The following SPAG16 variants were observed in gnomAD, a reference collection of about 807,000 sequenced individuals.
The protein encoded by SPAG16 is sperm-associated antigen 16 protein.
A neutral mutation model predicts 80.4 loss-of-function variants in SPAG16; 86 were observed. That is an observed-to-expected ratio of 1.07 (90% CI 0.90 to 1.28). SPAG16 has a LOEUF of 1.28. Among genes scored for constraint, SPAG16 ranks in the 50% most tolerant of loss-of-function variants. The pLI is 0.00. For synonymous variants in SPAG16, 294 were observed against 265.9 expected, an observed-to-expected ratio of 1.11 and a Z score of -1.03; for missense variants, 870 against 765.3, an observed-to-expected ratio of 1.14 and a Z score of -1.61.
intron 15 of SPAG16, among the ~76,000 whole-genome samples, chr2:214,360,542 T>C (rs147007086): frequency 3.5e-3 from 534 of 151,994 alleles, no homozygotes; most frequent in African/African-American, 0.012. Flanking sequence ...TTTTCTGAGA[T>C]AGATGCAAAT....
chr2:214,339,119 G>T (rs1031070326), intron 15 of SPAG16, among the ~76,000 whole-genome samples: 1 of 152,188 alleles, frequency 6.6e-6, no homozygotes, highest in Non-Finnish European at 1.5e-5. Flanking sequence ...TATGCTCAAA[G>T]AGAGTTAGAT....
At chr2:214,319,224 A>ACACACACACACACAC (rs1553554490) in intron 15 of SPAG16, among the ~76,000 whole-genome samples, 9 of 151,004 alleles carry the variant, frequency 6.0e-5, no homozygotes, top group Non-Finnish European at 1.2e-4. Context: ...ACACACACAC[A>ACACACACACACACAC]AGAAGTGTAG....
intron 10 of SPAG16, among the ~76,000 whole-genome samples, chr2:213,744,189 C>G (rs2067709090): frequency 6.6e-6 from 1 of 152,164 alleles, no homozygotes; most frequent in South Asian, 2.1e-4. Flanking sequence ...TTGGACAGCT[C>G]TGAACCAAAG....
intron 10 of SPAG16, among the ~76,000 whole-genome samples, chr2:213,698,209 C>T (rs2065243168): frequency 6.6e-6 from 1 of 152,032 alleles, no homozygotes; most frequent in South Asian, 2.1e-4. Context: ...TTATGGGCTA[C>T]ATTTTTCTCA....
At chr2:214,013,109 T>C (rs1418249500) in intron 12 of SPAG16, among the ~76,000 whole-genome samples, 2 of 152,070 alleles carry the variant, frequency 1.3e-5, no homozygotes, top group African/African-American at 4.8e-5. Flanking sequence ...AATCCACTAA[T>C]TAATTCCCAG....
intron 15 of SPAG16, among the ~76,000 whole-genome samples, chr2:214,194,897 C>T (rs1393420874): frequency 1.3e-5 from 2 of 152,036 alleles, no homozygotes; most frequent in Non-Finnish European, 2.9e-5. Context: ...ACATTTATTA[C>T]ACAGCATCCA....
intron 15 of SPAG16, among the ~76,000 whole-genome samples, chr2:214,194,155 C>T (rs958507893): frequency 2.0e-5 from 3 of 151,956 alleles, no homozygotes; most frequent in African/African-American, 4.8e-5. Flanking sequence ...AAATAGTTGG[C>T]GAGTTGTCAT....
At position 214,410,285 on chromosome 2, in the gene SPAG16, C is replaced by T. The variant is rs752327083; in HGVS notation, c.1866C>T (p.Gly622=). ...ACGGGGAGATTCTCTTTTCTGGAGG[C>T]TCTGACGGCACAGTTCGAACGTGGT... ...SHDGEILFSG[G]SDGTVRTWS is the part of the protein sequence containing the mutation. Residue 622 remains glycine, a synonymous_variant, in exon 16 of 16, where the codon GGC becomes GGT. Coordinates refer to ENST00000331683, the MANE Select transcript of SPAG16 (RefSeq NM_024532.5). 2 of 1,608,116 alleles carry T rather than the reference C, an allele frequency of 1.2e-6. No individual in the cohort carries two copies. The highest frequency in any genetic ancestry group is 1.7e-6 in the Non-Finnish European group (2 of 1,174,894).
At chr2:213,356,503 C>A (rs540581162) in intron 7 of SPAG16, among the ~76,000 whole-genome samples, 11 of 152,280 alleles carry the variant, frequency 7.2e-5, no homozygotes, top group African/African-American at 2.6e-4. Flanking sequence ...GGAATTTATC[C>A]ATTTATTCTA....
chr2:213,310,799 C>T (rs2063156771), intron 4 of SPAG16, among the ~76,000 whole-genome samples: 2 of 151,520 alleles, frequency 1.3e-5, no homozygotes, highest in African/African-American at 4.8e-5. Context: ...ATAATGTCAC[C>T]AGGCATATTT....
chr2:213,748,897 C>T (rs1383504998), intron 10 of SPAG16, among the ~76,000 whole-genome samples: 1 of 152,114 alleles, frequency 6.6e-6, no homozygotes, highest in Non-Finnish European at 1.5e-5. Context: ...GTCTGTAATC[C>T]TAGCACTTTG....
intron 13 of SPAG16, among the ~76,000 whole-genome samples, chr2:214,060,934 G>A (rs549122721): frequency 1.3e-5 from 2 of 152,142 alleles, no homozygotes; most frequent in African/African-American, 4.8e-5. Flanking sequence ...CAGACATCAG[G>A]CTATGAAGAA....
intron 15 of SPAG16, among the ~76,000 whole-genome samples, chr2:214,266,254 C>G (rs1260323196): frequency 6.6e-6 from 1 of 151,810 alleles, no homozygotes; most frequent in Non-Finnish European, 1.5e-5. Flanking sequence ...GTTTGTTTTG[C>G]CTGTAGCATG....
intron 14 of SPAG16, among the ~76,000 whole-genome samples, chr2:214,148,588 T>C (rs556406324): frequency 1.3e-5 from 2 of 152,194 alleles, no homozygotes; most frequent in Non-Finnish European, 2.9e-5. Flanking sequence ...TTCTACCTGC[T>C]ATGCGATATT....
At chr2:214,129,912 T>A (rs2054678085) in intron 14 of SPAG16, among the ~76,000 whole-genome samples, 1 of 152,184 alleles carries the variant, frequency 6.6e-6, no homozygotes, top group Non-Finnish European at 1.5e-5. Context: ...AGATTCTTTG[T>A]GACTCAATAC....
chr2:213,616,714 GT>G (rs2061609323), intron 10 of SPAG16, among the ~76,000 whole-genome samples: 1 of 152,150 alleles, frequency 6.6e-6, no homozygotes, highest in South Asian at 2.1e-4. Flanking sequence ...CTGGATGATG[GT>G]TTTTGTTTTT....
chr2:213,954,304 G>A (rs2044008093), intron 12 of SPAG16, among the ~76,000 whole-genome samples: 1 of 151,756 alleles, frequency 6.6e-6, no homozygotes, highest in African/African-American at 2.4e-5. Context: ...TTGGTGACTG[G>A]TTTCTTTTAT....
intron 15 of SPAG16, among the ~76,000 whole-genome samples, chr2:214,177,900 C>CATATATATATATATACATATATATAT (rs1344313333): frequency 1.6e-5 from 1 of 64,006 alleles, no homozygotes; most frequent in Non-Finnish European, 2.8e-5. Context: ...TATATATATA[C>CATATATATATATATACATATATATAT]ATATATATAT....
At chr2:213,663,087 C>T (rs2063482555) in intron 10 of SPAG16, among the ~76,000 whole-genome samples, 1 of 151,968 alleles carries the variant, frequency 6.6e-6, no homozygotes, top group Non-Finnish European at 1.5e-5. Context: ...TGTACAGGAG[C>T]TAATATATTT....
Sources: gnomAD v4.1 joint callset for allele counts (sites outside exome capture counted in the v4.1 genomes callset) on GRCh38, gnomAD v4.1.1 for gene constraint, MANE v1.5 for transcripts, NCBI Gene and HGNC (gene_info 2026-07-23, HGNC 2026-07-21) for gene names.